The following ISOC1 variants were observed in gnomAD, a reference collection of about 807,000 sequenced individuals.
The protein encoded by ISOC1 is isochorismatase domain-containing protein 1.
A neutral mutation model predicts 30.0 loss-of-function variants in ISOC1; 33 were observed. The ratio of observed to expected loss-of-function variants is 1.10; its 90% CI spans 0.83 to 1.47. ISOC1 has a LOEUF of 1.47. Ranked by LOEUF, ISOC1 falls within the 40% of genes most tolerant of loss-of-function variation. ISOC1 has a pLI of 0.00. For synonymous variants in ISOC1, 178 were observed against 159.8 expected, an observed-to-expected ratio of 1.11 and a Z score of -0.86; for missense variants, 372 against 388.0, an observed-to-expected ratio of 0.96 and a Z score of 0.35.
chr5:129,104,818 C>CT (rs35005359), intron 1 of ISOC1, 138 bp from the exon 2 acceptor site: 3 of 743,218 alleles, frequency 4.0e-6, no homozygotes, highest in South Asian at 4.8e-5. Flanking sequence ...AATTCAGATA[C>CT]TTTTTTTGGA....
intron 3 of ISOC1, among the ~76,000 whole-genome samples, chr5:129,106,044 C>T (rs1005952687): frequency 6.6e-6 from 1 of 152,160 alleles, no homozygotes; most frequent in Non-Finnish European, 1.5e-5. Flanking sequence ...AAAGATATTT[C>T]CTCAGGCTTA....
chr5:129,101,217 T>G, intron 1 of ISOC1, among the ~76,000 whole-genome samples: 1 of 122,108 alleles, frequency 8.2e-6, no homozygotes, highest in Admixed American at 9.2e-5. Context: ...ATGGTTGGGT[T>G]GGGTGTAGTG....
rs550950872 is a variant in ISOC1, at chr5:129,105,048, G to C, written c.402G>C (p.Gly134=). Residue 134 remains glycine, a synonymous_variant, in exon 2 of 5, where the codon GGG becomes GGC. Transcript: ENST00000173527. ...TCAGACCAGCCATCAAGTATTTTGG[G>C]GATATTATTAGCGTGGGACAGAGAT... ...ERFRPAIKYF[G]DIISVGQRLL... 5 of 1,613,734 alleles carry C rather than the reference G, an allele frequency of 3.1e-6. No individual in the cohort carries two copies. In the South Asian group the frequency reaches 4.4e-5, roughly 14 times the overall value.
chr5:129,108,573 A>G (rs1753665900), intron 4 of ISOC1, among the ~76,000 whole-genome samples: 1 of 151,394 alleles, frequency 6.6e-6, no homozygotes, highest in South Asian at 2.1e-4. Context: ...GCAGTGGCAC[A>G]ATCTTGGCTC....
intron 1 of ISOC1, among the ~76,000 whole-genome samples, chr5:129,104,202 T>C (rs1471727377): frequency 2.0e-5 from 3 of 152,206 alleles, no homozygotes; most frequent in African/African-American, 7.2e-5. Context: ...GTGCTTGGTA[T>C]CATTTCGTTG....
chr5:129,095,484 G>C (rs868622004), intron 1 of ISOC1, among the ~76,000 whole-genome samples: 2 of 152,310 alleles, frequency 1.3e-5, no homozygotes, highest in Middle Eastern at 3.4e-3. Flanking sequence ...TGAGATTGTG[G>C]GGAGTATTGG....
intron 1 of ISOC1, among the ~76,000 whole-genome samples, chr5:129,101,161 C>CAAAA (rs1156603818): frequency 3.5e-3 from 68 of 19,502 alleles, no homozygotes; most frequent in East Asian, 4.8e-3. Context: ...CTCAGCTAAT[C>CAAAA]AAAAAAAAAA....
At chr5:129,095,698 G>C (rs1055692076) in intron 1 of ISOC1, among the ~76,000 whole-genome samples, 1 of 152,162 alleles carries the variant, frequency 6.6e-6, no homozygotes, top group Non-Finnish European at 1.5e-5. Context: ...CATTGAAAAA[G>C]TCATTTGACT....
intron 4 of ISOC1, among the ~76,000 whole-genome samples, chr5:129,109,115 G>T (rs1753672777): frequency 6.6e-6 from 1 of 151,938 alleles, no homozygotes; most frequent in Non-Finnish European, 1.5e-5. Context: ...ATTTTGATTG[G>T]CAATTCTGTC....
In ISOC1 at chr5:129,113,517, T is replaced by C. The variant is rs1432523627; in HGVS notation, c.*516T>C. ...GTTACCCACTCCCCTCACAATGTTG[T>C]CCACTTAGTGAGTTGCATTGATCTA... On this transcript the variant is annotated 3_prime_UTR_variant, in exon 5 of 5. Transcript: ENST00000173527. 3 of 152,746 alleles carry C rather than the reference T, an allele frequency of 2.0e-5. No individual in the cohort carries two copies. The highest frequency in any genetic ancestry group is 2.0e-4 in the Admixed American group (3 of 15,354). The allele number at this position is 152,746 out of a possible 1,614,324, so 9.5% of individuals were successfully genotyped here.
intron 4 of ISOC1, among the ~76,000 whole-genome samples, chr5:129,107,558 G>C (rs1039170074): frequency 2.0e-5 from 3 of 151,900 alleles, no homozygotes; most frequent in Admixed American, 2.0e-4. Context: ...AGAATGATAG[G>C]GCAGAATAAC....
intron 1 of ISOC1, among the ~76,000 whole-genome samples, chr5:129,095,795 T>C (rs1164432563): frequency 6.6e-6 from 1 of 152,236 alleles, no homozygotes; most frequent in Non-Finnish European, 1.5e-5. Flanking sequence ...AAAGTTGTTC[T>C]ACCTGAGGAC....
chr5:129,101,966 G>C (rs186558065), intron 1 of ISOC1, among the ~76,000 whole-genome samples: 15 of 152,264 alleles, frequency 9.9e-5, no homozygotes, highest in Non-Finnish European at 1.8e-4. Flanking sequence ...GAAATTTCAA[G>C]AGGAAGGTCA....
At chr5:129,095,214 G>A in intron 1 of ISOC1, 139 bp downstream of exon 1, 1 of 817,050 alleles carries the variant, frequency 1.2e-6, no homozygotes, top group South Asian at 1.9e-5. Context: ...GAGTCCGAAG[G>A]GCTGCGCGTC....
At chr5:129,108,903 G>A (rs1753670348) in intron 4 of ISOC1, among the ~76,000 whole-genome samples, 2 of 152,056 alleles carry the variant, frequency 1.3e-5, no homozygotes, top group South Asian at 4.1e-4. Context: ...TCATTGTCAG[G>A]TCCTCACCAC....
chr5:129,112,361 A>G (rs942922299), intron 4 of ISOC1, among the ~76,000 whole-genome samples: 4 of 152,168 alleles, frequency 2.6e-5, no homozygotes, highest in Non-Finnish European at 5.9e-5. Flanking sequence ...CTTTTAAAAA[A>G]TCTCAGTAGT....
At chr5:129,110,187 G>A (rs184030068) in intron 4 of ISOC1, among the ~76,000 whole-genome samples, 1 of 152,254 alleles carries the variant, frequency 6.6e-6, no homozygotes, top group Admixed American at 6.5e-5. Flanking sequence ...TAGGTTTGTG[G>A]GTCAGAGCAA....
chr5:129,105,481 G>A (rs1311951028), intron 3 of ISOC1, 93 bp downstream of exon 3: 1 of 1,065,242 alleles, frequency 9.4e-7, no homozygotes, highest in African/African-American at 1.6e-5. Flanking sequence ...TGCCAGGTAG[G>A]CAGTAATAAT....
intron 3 of ISOC1, 66 bp downstream of exon 3, chr5:129,105,454 T>A (rs762807475): frequency 5.4e-5 from 72 of 1,329,220 alleles, no homozygotes; most frequent in Admixed American, 3.3e-4. Context: ...TTGTGGAATG[T>A]AATTTCATAT....
Sources: gnomAD v4.1 joint callset for allele counts (sites outside exome capture counted in the v4.1 genomes callset) on GRCh38, gnomAD v4.1.1 for gene constraint, MANE v1.5 for transcripts, NCBI Gene and HGNC (gene_info 2026-07-23, HGNC 2026-07-21) for gene names.